The following ENDOD1 variants were observed in gnomAD, a reference collection of about 807,000 sequenced individuals.
ENDOD1 encodes endonuclease domain-containing 1 protein.
A neutral mutation model predicts 6.5 loss-of-function variants in ENDOD1; 9 were observed. That is an observed-to-expected ratio of 1.39 (90% CI 0.84 to 2.43). The LOEUF (loss-of-function observed/expected upper bound fraction) is 2.43. Among genes scored for constraint, ENDOD1 ranks in the 30% most tolerant of loss-of-function variants. The pLI is 0.00. For missense variants in ENDOD1, 648 were observed against 635.5 expected, an observed-to-expected ratio of 1.02 and a Z score of -0.21; for synonymous variants, 255 against 255.2, an observed-to-expected ratio of 1.00 and a Z score of 0.01.
At chr11:95,092,268 A>T (rs899443588) in intron 1 of ENDOD1, among the ~76,000 whole-genome samples, 1 of 152,146 alleles carries the variant, frequency 6.6e-6, no homozygotes, top group Non-Finnish European at 1.5e-5. Flanking sequence ...GAATGCACTC[A>T]ATTGCTCAGA....
intron 1 of ENDOD1, among the ~76,000 whole-genome samples, chr11:95,110,895 G>C (rs1859142741): frequency 1.3e-5 from 2 of 152,074 alleles, no homozygotes; most frequent in Non-Finnish European, 2.9e-5. Context: ...GTTGATGCTG[G>C]GAAGGGAGTT....
chr11:95,096,421 C>A (rs1307039180), intron 1 of ENDOD1, among the ~76,000 whole-genome samples: 1 of 151,854 alleles, frequency 6.6e-6, no homozygotes. Flanking sequence ...TAGGCTGAAC[C>A]AAGAATAGAA....
intron 1 of ENDOD1, 35 bp downstream of exon 1, chr11:95,090,262 G>T (rs1367620144): frequency 5.9e-6 from 8 of 1,355,078 alleles, no homozygotes; most frequent in African/African-American, 3.1e-5. Context: ...GGCTGCGGGC[G>T]CCGGAGACCG....
At chr11:95,112,295 C>G (rs1413472421) in intron 1 of ENDOD1, among the ~76,000 whole-genome samples, 1 of 152,224 alleles carries the variant, frequency 6.6e-6, no homozygotes, top group Admixed American at 6.5e-5. Flanking sequence ...CAGCATTCCC[C>G]TCCTCATTCA....
intron 1 of ENDOD1, among the ~76,000 whole-genome samples, chr11:95,105,178 TAACC>T (rs1184055616): frequency 6.6e-6 from 1 of 152,212 alleles, no homozygotes; most frequent in Non-Finnish European, 1.5e-5. Flanking sequence ...CAAAATAGTC[TAACC>T]AACAGGGTTT....
In ENDOD1 at chr11:95,117,886, A is replaced by G. The variant is rs531333649; in HGVS notation, c.301-10491A>G. ...AGTGAAAGTGATTTTCTCTGGGGAT[A>G]TGATTTAGTTTCTTGCTTTTTATTT... is the stretch of plus-strand genomic sequence containing the variant. On this transcript the variant is annotated intron_variant, in intron 1 of 1. Transcript: ENST00000278505. Among the ~76,000 whole-genome samples, 189 of 152,174 alleles carry G rather than the reference A, an allele frequency of 1.2e-3. 1 individual carries two copies. Among genetic ancestry groups the G allele is most frequent in the East Asian group, 3.9e-3 (20 of 5,176 alleles).
intron 1 of ENDOD1, among the ~76,000 whole-genome samples, chr11:95,099,633 G>T (rs1375311295): frequency 3.9e-5 from 6 of 152,244 alleles, no homozygotes; most frequent in African/African-American, 1.4e-4. Flanking sequence ...TGGGACAAGA[G>T]GAGGGACTTT....
intron 1 of ENDOD1, among the ~76,000 whole-genome samples, chr11:95,091,150 T>C (rs1858927243): frequency 6.6e-6 from 1 of 152,150 alleles, no homozygotes; most frequent in Non-Finnish European, 1.5e-5. Context: ...GCCTCCTCTC[T>C]AGAACACCCT....
intron 1 of ENDOD1, among the ~76,000 whole-genome samples, chr11:95,094,849 C>T (rs970170994): frequency 8.5e-5 from 13 of 152,202 alleles, no homozygotes; most frequent in Non-Finnish European, 1.5e-4. Context: ...CTTCCATTTA[C>T]AAGCTATGTG....
At chr11:95,114,598 C>T (rs1394671443) in intron 1 of ENDOD1, among the ~76,000 whole-genome samples, 2 of 152,096 alleles carry the variant, frequency 1.3e-5, no homozygotes, top group Non-Finnish European at 1.5e-5. Flanking sequence ...TAAAGTTTCC[C>T]CAGTGTTTTC....
chr11:95,106,438 A>G (rs1555111400), intron 1 of ENDOD1, among the ~76,000 whole-genome samples: 9 of 152,132 alleles, frequency 5.9e-5, no homozygotes, highest in Non-Finnish European at 2.9e-5. Flanking sequence ...AAGGTTTGAG[A>G]GAAGAAGTTG....
At position 95,126,571 on chromosome 11, in the gene ENDOD1, G is replaced by A. The variant is rs114784793; in HGVS notation, c.301-1806G>A. Among the ~76,000 whole-genome samples, 1,373 of 152,226 alleles carry A rather than the reference G, an allele frequency of 9.0e-3. 24 individuals carry two copies. The highest frequency in any genetic ancestry group is 0.031 in the African/African-American group (1,290 of 41,550). On this transcript the variant is annotated intron_variant, in intron 1 of 1. Transcript: ENST00000278505. ...TTTCAAAAGTTTTCCTTACATACTC[G>A]AAGGCTTTTAAAAAAGTGATTATTT... is the stretch of plus-strand genomic sequence containing the variant.
intron 1 of ENDOD1, among the ~76,000 whole-genome samples, chr11:95,112,521 G>A (rs1859161202): frequency 2.0e-5 from 3 of 152,150 alleles, no homozygotes; most frequent in South Asian, 2.1e-4. Flanking sequence ...TGAAATTTTC[G>A]TCTGATCCCC....
chr11:95,109,211 A>T (rs781835671), intron 1 of ENDOD1, among the ~76,000 whole-genome samples: 8 of 152,158 alleles, frequency 5.3e-5, no homozygotes, highest in Non-Finnish European at 1.0e-4. Context: ...ATCATCCCCT[A>T]CATGTGCTTA....
chr11:95,102,190 T>C (rs1377128338), intron 1 of ENDOD1, among the ~76,000 whole-genome samples: 1 of 152,184 alleles, frequency 6.6e-6, no homozygotes, highest in African/African-American at 2.4e-5. Flanking sequence ...GTTCTGTTAC[T>C]AAAGCCTACT....
chr11:95,118,894 C>G (rs1321929895), intron 1 of ENDOD1, among the ~76,000 whole-genome samples: 4 of 152,132 alleles, frequency 2.6e-5, no homozygotes, highest in Admixed American at 2.6e-4. Context: ...TTCAAATAGT[C>G]TGTCTTTAAG....
intron 1 of ENDOD1, among the ~76,000 whole-genome samples, chr11:95,120,457 A>T (rs1859252334): frequency 6.6e-6 from 1 of 152,108 alleles, no homozygotes; most frequent in African/African-American, 2.4e-5. Context: ...TAGAAATGTC[A>T]TCCAGGGGCT....
chr11:95,089,983 T>A lies in ENDOD1; in HGVS notation c.56T>A (p.Leu19Gln). ...AGCCTCTTCGCCCTGGCTGGGCTGC[T>A]GGAAGGCCGGCTCGTGGGCGAGGAG... The part of the protein sequence containing the change: ...LGSLFALAGL[L>Q]EGRLVGEEEA... The change falls in exon 1 of 2, where the codon CTG becomes CAG. Residue 19 changes from leucine to glutamine, a missense_variant. By Grantham distance (113) the Leu-to-Gln change is moderately radical (BLOSUM62 -2). Coordinates refer to ENST00000278505, the MANE Select transcript of ENDOD1 (RefSeq NM_015036.3). 6.4e-7 allele frequency: 1 copy of A among 1,552,456 alleles called. No homozygotes were observed. Among genetic ancestry groups the A allele is most frequent in the Non-Finnish European group, 8.7e-7 (1 of 1,150,262 alleles).
intron 1 of ENDOD1, among the ~76,000 whole-genome samples, chr11:95,119,690 A>G (rs1273315742): frequency 6.6e-6 from 1 of 152,194 alleles, no homozygotes; most frequent in Non-Finnish European, 1.5e-5. Context: ...TTGCTCAAGG[A>G]CATTGGGCTC....
Sources: allele counts gnomAD v4.1 joint callset (sites outside exome capture counted in the v4.1 genomes callset), GRCh38; gene constraint gnomAD v4.1.1; transcripts MANE v1.5; gene names NCBI Gene and HGNC (gene_info 2026-07-23, HGNC 2026-07-21).